KPNA5: variants seen among roughly 807,000 people sequenced by gnomAD.
KPNA5 encodes karyopherin subunit alpha 5, also known as importin subunit alpha-6.
KPNA5 carries 46 observed loss-of-function variants against 71.3 expected under a neutral mutation model. The observed-to-expected ratio is 0.65, with a 90% CI of 0.51 to 0.83. KPNA5 has a LOEUF of 0.83. Ranked by LOEUF, KPNA5 falls within the 40% of genes least tolerant of loss-of-function variation. KPNA5 has a pLI of 0.00. For synonymous variants in KPNA5, 207 were observed against 201.4 expected, an observed-to-expected ratio of 1.03 and a Z score of -0.24; for missense variants, 547 against 628.3, an observed-to-expected ratio of 0.87 and a Z score of 1.38.
chr6:116,689,991 A>T (rs1433624487), intron 2 of KPNA5, among the ~76,000 whole-genome samples: 1 of 152,250 alleles, frequency 6.6e-6, no homozygotes, highest in African/African-American at 2.4e-5. Flanking sequence ...AGTATTTGTA[A>T]GTAAGTAAAA....
chr6:116,683,205 G>A (rs535722847), intron 1 of KPNA5, among the ~76,000 whole-genome samples: 1 of 152,190 alleles, frequency 6.6e-6, no homozygotes, highest in East Asian at 1.9e-4. Flanking sequence ...TGTTTTTTGT[G>A]AATTTTATGC....
chr6:116,688,873 C>G (rs929353845), intron 1 of KPNA5, among the ~76,000 whole-genome samples: 3 of 152,028 alleles, frequency 2.0e-5, no homozygotes, highest in Non-Finnish European at 4.4e-5. Context: ...TTACTGGAGC[C>G]TAATATCATA....
intron 1 of KPNA5, among the ~76,000 whole-genome samples, chr6:116,683,985 T>C (rs1777471250): frequency 7.5e-6 from 1 of 132,968 alleles, no homozygotes; most frequent in South Asian, 2.7e-4. Context: ...CGATCTTGGC[T>C]CACTGCAACC....
chr6:116,729,216 C>A, intron 12 of KPNA5, among the ~76,000 whole-genome samples: 1 of 101,382 alleles, frequency 9.9e-6, no homozygotes. Flanking sequence ...TGTAGGCTTG[C>A]CTTTAAAAAA....
At position 116,687,599 on chromosome 6, in the gene KPNA5, T is replaced by C. The variant is rs73555492; in HGVS notation, c.5-1721T>C. Among the ~76,000 whole-genome samples, 4 of 152,198 alleles carry C rather than the reference T, an allele frequency of 2.6e-5. No individual in the cohort carries two copies. In the East Asian group the frequency reaches 5.8e-4, roughly 22 times the overall value. On this transcript the variant is annotated intron_variant, in intron 1 of 13. Transcript: ENST00000368564. ...TTCTTGTCTCAGAAACAAGCCGATA[T>C]GTAAACACAACAACCACTACTCTGA...
intron 1 of KPNA5, among the ~76,000 whole-genome samples, chr6:116,688,434 G>A (rs752235468): frequency 6.6e-6 from 1 of 152,020 alleles, no homozygotes; most frequent in Non-Finnish European, 1.5e-5. Context: ...AACTGAAGTT[G>A]GCACCCTGCT....
intron 9 of KPNA5, among the ~76,000 whole-genome samples, chr6:116,723,683 T>C (rs1400199370): frequency 7.0e-6 from 1 of 142,036 alleles, no homozygotes; most frequent in Admixed American, 6.7e-5. Flanking sequence ...GTTAGAATGA[T>C]AGTATTAGAA....
chr6:116,732,259 A>G lies in KPNA5; in HGVS notation c.1556A>G (p.Asp519Gly), dbSNP rs745582344. 2.5e-6 allele frequency: 4 copies of G among 1,575,448 alleles called. No individual in the cohort carries two copies. The highest frequency in any genetic ancestry group is 3.4e-6 in the Non-Finnish European group (4 of 1,160,026). Reference sequence around the variant, plus strand: ...GACCCCAGCATTGTACCTCAGGTGGATGAAAACCAACAACAGTTTATATTT... The same window carrying G: ...GACCCCAGCATTGTACCTCAGGTGGGTGAAAACCAACAACAGTTTATATTT... ...EDDPSIVPQV[D>G]ENQQQFIFQQ... The change falls in exon 14 of 14, where the codon GAT becomes GGT. Residue 519 changes from aspartate to glycine, a missense_variant. Physicochemically the swap from Asp to Gly is moderately conservative, Grantham distance 94. Coordinates refer to ENST00000368564, the MANE Select transcript of KPNA5 (RefSeq NM_001366306.2).
In KPNA5 at chr6:116,692,517, A is replaced by G. The variant is rs1193817418; in HGVS notation, c.340+125A>G. On this transcript the variant is annotated intron_variant, in intron 4 of 13. Coordinates refer to ENST00000368564, the MANE Select transcript of KPNA5 (RefSeq NM_001366306.2). ...TAGACACAGGTGTTATATTCTCTGCAAAATATATTGTAAAGTAACATCCGT... is the reference window on the plus strand; with the variant it reads ...TAGACACAGGTGTTATATTCTCTGCGAAATATATTGTAAAGTAACATCCGT... 5.1e-5 allele frequency: 32 copies of G among 627,958 alleles called. No homozygotes were observed. In the East Asian group the frequency reaches 6.0e-4, roughly 12 times the overall value. 38.9% of individuals were successfully genotyped at this position (627,958 alleles called of 1,614,324 possible).
chr6:116,686,578 C>CT (rs1464624544), intron 1 of KPNA5, among the ~76,000 whole-genome samples: 3 of 152,090 alleles, frequency 2.0e-5, no homozygotes, highest in African/African-American at 4.8e-5. Context: ...TCAATTTTTG[C>CT]TTTTGTTGCA....
chr6:116,697,991 G>T (rs1164280562), intron 4 of KPNA5, among the ~76,000 whole-genome samples: 3 of 151,854 alleles, frequency 2.0e-5, no homozygotes, highest in Non-Finnish European at 4.4e-5. Context: ...ACAAAAATAG[G>T]TACATTTTCT....
Position 116,705,135 on chromosome 6 carries a change from T to C in KPNA5, c.631T>C (p.Cys211Arg), listed in dbSNP as rs773620286. 7.4e-6 allele frequency: 12 copies of C among 1,611,954 alleles called. No homozygotes were observed. The highest frequency in any genetic ancestry group is 1.0e-5 in the Non-Finnish European group (12 of 1,178,968). The change falls in exon 7 of 14, where the codon TGT becomes CGT. Residue 211 changes from cysteine (C) to arginine (R), a missense_variant. By Grantham distance (180) the Cys-to-Arg change is radical (BLOSUM62 -3). Coordinates refer to ENST00000368564, the MANE Select transcript of KPNA5 (RefSeq NM_001366306.2). The stretch of plus-strand genomic sequence containing the variant: ...AGAATGCAGAGATTTTGTTTTGAAT[T>C]GTGAAATACTTCCACCTCTTTTAGA... The part of the protein sequence containing the change: ...NAECRDFVLN[C>R]EILPPLLELL...
intron 1 of KPNA5, 67 bp downstream of exon 1, chr6:116,681,405 T>C (rs1414533448): frequency 1.3e-6 from 2 of 1,487,526 alleles, no homozygotes; most frequent in African/African-American, 1.5e-5. Flanking sequence ...GAACTACTAG[T>C]TCCTGGGGCC....
At chr6:116,703,575 T>A (rs1778313263) in intron 6 of KPNA5, among the ~76,000 whole-genome samples, 1 of 152,148 alleles carries the variant, frequency 6.6e-6, no homozygotes, top group African/African-American at 2.4e-5. Flanking sequence ...AAGATAAAAT[T>A]TTTAAAGCTC....
intron 7 of KPNA5, among the ~76,000 whole-genome samples, chr6:116,708,070 G>A (rs948843420): frequency 6.6e-6 from 1 of 152,206 alleles, no homozygotes; most frequent in Non-Finnish European, 1.5e-5. Context: ...CCATATTATA[G>A]TGAATGTATC....
chr6:116,685,623 T>C (rs1427998576), intron 1 of KPNA5, among the ~76,000 whole-genome samples: 1 of 152,176 alleles, frequency 6.6e-6, no homozygotes, highest in Non-Finnish European at 1.5e-5. Flanking sequence ...GATCACATTC[T>C]TTTTTGTGGC....
At chr6:116,729,232 AAAAC>A (rs1157764432) in intron 12 of KPNA5, among the ~76,000 whole-genome samples, 4 of 150,490 alleles carry the variant, frequency 2.7e-5, no homozygotes, top group Non-Finnish European at 5.9e-5. Context: ...AAAAAAAAAA[AAAAC>A]AACCTTTCGA....
chr6:116,704,894 T>G (rs1778376611), intron 6 of KPNA5, among the ~76,000 whole-genome samples, 178 bp from the exon 7 acceptor site: 1 of 152,184 alleles, frequency 6.6e-6, no homozygotes, highest in African/African-American at 2.4e-5. Flanking sequence ...TTTTTAAATG[T>G]CCTATCTTTC....
intron 4 of KPNA5, among the ~76,000 whole-genome samples, chr6:116,692,789 G>A (rs531419109): frequency 6.6e-6 from 1 of 152,090 alleles, no homozygotes; most frequent in African/African-American, 2.4e-5. Flanking sequence ...CAACGTGCAG[G>A]TTTATTACAT....
Sources: gnomAD v4.1 joint callset for allele counts (sites outside exome capture counted in the v4.1 genomes callset) on GRCh38, gnomAD v4.1.1 for gene constraint, MANE v1.5 for transcripts, NCBI Gene and HGNC (gene_info 2026-07-23, HGNC 2026-07-21) for gene names.